Variants in MAPK6 observed in about 807,000 individuals in gnomAD.
MAPK6 encodes ERK-3.
A neutral mutation model predicts 59.3 loss-of-function variants in MAPK6; 19 were observed. That is an observed-to-expected ratio of 0.32 (90% CI 0.22 to 0.47). MAPK6 has a LOEUF of 0.47. Among genes scored for constraint, MAPK6 ranks in the 20% least tolerant of loss-of-function variants. MAPK6 has a pLI of 1.00. For synonymous variants in MAPK6, 316 were observed against 290.3 expected (o/e 1.09, Z -0.90); for missense variants, 724 against 847.9 (o/e 0.85, Z 1.81).
chr15:52,016,107 C>CAA (rs1555396617), upstream of MAPK6, among the ~76,000 whole-genome samples: 240 of 136,266 alleles, frequency 1.8e-3, 1 homozygote, highest in African/African-American at 5.7e-3. Flanking sequence ...CACACACACA[C>CAA]AAACTAAAAC....
rs1225407473 is a variant in MAPK6, at chr15:52,046,620, A to T, written c.160A>T (p.Thr54Ser). 6.2e-7 allele frequency: 1 copy of T among 1,614,050 alleles called. No homozygotes were observed. Among genetic ancestry groups the T allele is most frequent in the African/African-American group, 1.3e-5 (1 of 74,914 alleles). Residue 54 changes from threonine (T) to serine (S), a missense_variant, in exon 2 of 6, where the codon ACT becomes TCT. By Grantham distance (58) the Thr-to-Ser change is moderately conservative. Coordinates refer to ENST00000261845, the MANE Select transcript of MAPK6 (RefSeq NM_002748.4). The part of the protein sequence containing the change: ...KRVAIKKIVL[T>S]DPQSVKHALR... ...AGTAGCCATCAAGAAAATTGTCCTT[A>T]CTGATCCCCAGAGTGTCAAACATGC... is the stretch of plus-strand genomic sequence containing the variant.
chr15:52,003,595 T>C (rs1167058701), intron 2 of MAPK6, among the ~76,000 whole-genome samples: 1 of 152,242 alleles, frequency 6.6e-6, no homozygotes. Context: ...CCACCACAGG[T>C]ATCATGTCAG....
chr15:52,021,784 G>T (rs943182476), intron 1 of MAPK6, among the ~76,000 whole-genome samples: 2 of 152,090 alleles, frequency 1.3e-5, no homozygotes, highest in Non-Finnish European at 2.9e-5. Flanking sequence ...GTTTCACTCA[G>T]AATTATTAAA....
intron 1 of MAPK6, among the ~76,000 whole-genome samples, chr15:51,982,586 G>A (rs750303470): frequency 1.3e-5 from 2 of 152,056 alleles, no homozygotes; most frequent in Non-Finnish European, 2.9e-5. Context: ...GGAGGTCTTA[G>A]ATAAGAGGAG....
At chr15:52,033,016 A>G (rs953680853) in intron 1 of MAPK6, among the ~76,000 whole-genome samples, 5 of 151,944 alleles carry the variant, frequency 3.3e-5, no homozygotes, top group Non-Finnish European at 7.4e-5. Context: ...GGGTCTCACT[A>G]TGTTGGTCAG....
rs775538878 is a variant in MAPK6, at chr15:52,064,994, G to A, written c.2160G>A (p.Leu720=). 1.3e-5 allele frequency: 21 copies of A among 1,599,554 alleles called. No homozygotes were observed. Among genetic ancestry groups the A allele is most frequent in the Admixed American group, 3.4e-5 (2 of 59,410 alleles). Residue 720 remains leucine (L), a synonymous_variant, in exon 6 of 6, where the codon CTG becomes CTA. Transcript: ENST00000261845. ...CATACAGCAGCATTCTGAAACATCT[G>A]AACTAAAACACTCAGCAGACATTTA... The part of the protein sequence containing the change: ...HQTYSSILKH[L]N
chr15:52,018,885 G>C (rs777494110), upstream of MAPK6: 1 of 152,518 alleles, frequency 6.6e-6, no homozygotes, highest in East Asian at 1.9e-4. Context: ...TGGAGACTGA[G>C]GCCTCTTCCT....
intron 1 of MAPK6, among the ~76,000 whole-genome samples, chr15:52,031,604 G>A (rs1383426795): frequency 1.3e-5 from 2 of 152,254 alleles, no homozygotes; most frequent in East Asian, 3.9e-4. Flanking sequence ...GCCAAGGTGG[G>A]AGGATCGCTG....
At chr15:52,048,338 G>C (rs1394655047) in intron 2 of MAPK6, among the ~76,000 whole-genome samples, 1 of 152,050 alleles carries the variant, frequency 6.6e-6, no homozygotes, top group African/African-American at 2.4e-5. Flanking sequence ...TTTTACTTGG[G>C]CCAGGTACAG....
intron 1 of MAPK6, among the ~76,000 whole-genome samples, chr15:52,037,661 C>G (rs1430113420): frequency 6.6e-6 from 1 of 152,142 alleles, no homozygotes; most frequent in African/African-American, 2.4e-5. Context: ...CAGACCTGTG[C>G]ATTCGCATAG....
chr15:52,020,706 T>C (rs949083787), intron 1 of MAPK6, among the ~76,000 whole-genome samples: 2 of 152,266 alleles, frequency 1.3e-5, no homozygotes, highest in Admixed American at 6.5e-5. Context: ...CATAGAAATA[T>C]CAGATTTTAA....
intron 2 of MAPK6, among the ~76,000 whole-genome samples, chr15:51,987,170 T>C (rs1426696329): frequency 2.0e-5 from 3 of 152,242 alleles, no homozygotes; most frequent in African/African-American, 7.2e-5. Context: ...TTTATGTTTC[T>C]GAAATGTTTT....
rs571528310 is a variant in MAPK6, at chr15:52,046,367, C to T, written c.-94C>T. On this transcript the variant is annotated 5_prime_UTR_variant, in exon 2 of 6. Coordinates refer to ENST00000261845, the MANE Select transcript of MAPK6 (RefSeq NM_002748.4). Reference sequence around the variant, plus strand: ...GTGGAAGCATAATTATTTTTCTTCTCCCTTTTTGAAAGATCTTTCCTTTTG... The same window carrying T: ...GTGGAAGCATAATTATTTTTCTTCTTCCTTTTTGAAAGATCTTTCCTTTTG... 9 of 932,134 alleles carry T rather than the reference C, an allele frequency of 9.7e-6. No individual in the cohort carries two copies. The Admixed American group carries it at 2.1e-4, about 22-fold the overall frequency. The allele number at this position is 932,134 out of a possible 1,614,324, so 57.7% of individuals were successfully genotyped here. A position where few individuals can be genotyped will look rare whatever the true frequency, so the allele number is the denominator to read the frequency against.
At chr15:52,009,758 A>G (rs546045853) in intron 3 of MAPK6, among the ~76,000 whole-genome samples, 16 of 152,288 alleles carry the variant, frequency 1.1e-4, no homozygotes, top group African/African-American at 3.6e-4. Context: ...GGTTTTGTCT[A>G]AAATATTTAA....
intron 3 of MAPK6, among the ~76,000 whole-genome samples, chr15:52,007,718 A>T (rs893949116): frequency 6.6e-6 from 1 of 151,870 alleles, no homozygotes. Context: ...AAAAAAAAAA[A>T]ATTAATTCCT....
chr15:52,030,172 A>G (rs1322251688), intron 1 of MAPK6, among the ~76,000 whole-genome samples: 1 of 152,190 alleles, frequency 6.6e-6, no homozygotes, highest in African/African-American at 2.4e-5. Context: ...ATCTCTTAGC[A>G]GTGCTGGTAG....
Position 52,061,314 on chromosome 15 carries a change from A to G in MAPK6, c.881A>G (p.Glu294Gly). The change falls in exon 5 of 6, where the codon GAA becomes GGA. Residue 294 changes from glutamate to glycine, a missense_variant. By Grantham distance (98) the Glu-to-Gly change is moderately conservative. Coordinates refer to ENST00000261845, the MANE Select transcript of MAPK6 (RefSeq NM_002748.4). ...GISREALDFLEQILTFSPMDR... is the reference protein window; with the variant it reads ...GISREALDFLGQILTFSPMDR... ...TCCTCTGCAGCACTGGATTTCCTGGAACAAATTTTGACATTTAGCCCCATG... is the reference window on the plus strand; with the variant it reads ...TCCTCTGCAGCACTGGATTTCCTGGGACAAATTTTGACATTTAGCCCCATG... 6.2e-7 allele frequency: 1 copy of G among 1,614,092 alleles called. No homozygotes were observed. Among genetic ancestry groups the G allele is most frequent in the Non-Finnish European group, 8.5e-7 (1 of 1,179,934 alleles).
chr15:52,007,982 G>A (rs1245199058), intron 3 of MAPK6, among the ~76,000 whole-genome samples: 1 of 151,922 alleles, frequency 6.6e-6, no homozygotes, highest in African/African-American at 2.4e-5. Flanking sequence ...AAGTAGCTGG[G>A]ATTACAGGCA....
At chr15:52,039,803 C>A (rs529937744) in intron 1 of MAPK6, among the ~76,000 whole-genome samples, 2 of 152,194 alleles carry the variant, frequency 1.3e-5, no homozygotes, top group South Asian at 4.1e-4. Context: ...AAGTGTGAGC[C>A]ACCACGCCCA....
Sources: gnomAD v4.1 joint callset for allele counts (sites outside exome capture counted in the v4.1 genomes callset) on GRCh38, gnomAD v4.1.1 for gene constraint, MANE v1.5 for transcripts, NCBI Gene and HGNC (gene_info 2026-07-23, HGNC 2026-07-21) for gene names.